NF1: variants seen among roughly 807,000 people sequenced by gnomAD.
The protein encoded by NF1 is neurofibromin 1.
Under a neutral mutation model 325.7 loss-of-function variants are expected in NF1, and 122 were observed. The observed-to-expected ratio is 0.37, with a 90% CI of 0.32 to 0.44. The LOEUF (loss-of-function observed/expected upper bound fraction) is 0.44, where lower values mean the gene tolerates loss of function less well. Ranked by LOEUF, NF1 falls within the 20% of genes least tolerant of loss-of-function variation. The pLI is 1.00. For missense variants in NF1, 2,140 were observed against 3,415.4 expected, an observed-to-expected ratio of 0.63 and a Z score of 9.31; for synonymous variants, 1,091 against 1,186.0, an observed-to-expected ratio of 0.92 and a Z score of 1.65.
chr17:31,335,111 C>A, intron 40 of NF1, 80 bp downstream of exon 40: 1 of 1,178,764 alleles, frequency 8.5e-7, no homozygotes, highest in Non-Finnish European at 1.2e-6. Context: ...CAAAGCACTG[C>A]GCTAGACACT....
At chr17:31,117,208 T>C (rs1046698759) in intron 1 of NF1, among the ~76,000 whole-genome samples, 1 of 151,840 alleles carries the variant, frequency 6.6e-6, no homozygotes, top group African/African-American at 2.4e-5. Flanking sequence ...CTTGAACTCC[T>C]GACCTCAGTT....
intron 36 of NF1, among the ~76,000 whole-genome samples, chr17:31,277,768 C>T (rs1328923739): frequency 6.6e-6 from 1 of 152,166 alleles, no homozygotes; most frequent in Non-Finnish European, 1.5e-5. Context: ...GTGACCCTCT[C>T]CACACAACCT....
chr17:31,264,594 G>A (rs2151469328), intron 35 of NF1, among the ~76,000 whole-genome samples: 1 of 152,226 alleles, frequency 6.6e-6, no homozygotes, highest in Non-Finnish European at 1.5e-5. Context: ...GTGAGAATGG[G>A]AAGAAGTAAT....
At chr17:31,105,255 C>T (rs532464452) in intron 1 of NF1, among the ~76,000 whole-genome samples, 3 of 152,124 alleles carry the variant, frequency 2.0e-5, no homozygotes, top group Non-Finnish European at 4.4e-5. Flanking sequence ...TGAGACAAAG[C>T]CTCAAGCTAG....
chr17:31,305,636 G>A, intron 36 of NF1: 1 of 1,589,838 alleles, frequency 6.3e-7, no homozygotes, highest in Non-Finnish European at 8.6e-7. Context: ...GTTATCTATA[G>A]CGGGTTTATA....
At chr17:31,356,679 G>A (rs570454019) in intron 52 of NF1, 97 bp downstream of exon 52, 1 of 1,523,832 alleles carries the variant, frequency 6.6e-7, no homozygotes, top group African/African-American at 1.4e-5. Context: ...AATCTTTAGA[G>A]TGAAATATAG....
intron 48 of NF1, among the ~76,000 whole-genome samples, chr17:31,344,962 A>C (rs1322215207): frequency 2.0e-5 from 3 of 152,160 alleles, no homozygotes; most frequent in Non-Finnish European, 4.4e-5. Context: ...ATCTCTACTA[A>C]AAATACAAAA....
rs142422201 is a variant in NF1 at position 31,201,263 on chromosome 17, A to G, written c.1185+104A>G. ...AGGTTCACTTTTATCGGTATTTCTC[A>G]CTATTATGTATTGATGTTCGTTTCA... On this transcript the variant is annotated intron_variant, in intron 10 of 57. Transcript: ENST00000358273. 365 of 1,519,914 alleles carry G rather than the reference A, an allele frequency of 2.4e-4. No individual in the cohort carries two copies. The East Asian group carries it at 7.4e-3, about 31-fold the overall frequency. 94.2% of individuals were successfully genotyped at this position (1,519,914 alleles called of 1,614,324 possible). A position where few individuals can be genotyped will look rare whatever the true frequency, so the allele number is the denominator to read the frequency against.
At chr17:31,226,910 G>A (rs921485493) in intron 18 of NF1, among the ~76,000 whole-genome samples, 1 of 152,164 alleles carries the variant, frequency 6.6e-6, no homozygotes, top group African/African-American at 2.4e-5. Flanking sequence ...AAAATAACTG[G>A]CAGTAGATGT....
chr17:31,273,537 G>T (rs541786913), intron 36 of NF1: 28 of 152,246 alleles, frequency 1.8e-4, no homozygotes, highest in African/African-American at 6.5e-4. Context: ...GTTACATTTG[G>T]CTCTAATATG....
intron 1 of NF1, among the ~76,000 whole-genome samples, chr17:31,106,037 G>T (rs1054876359): frequency 6.6e-6 from 1 of 152,162 alleles, no homozygotes; most frequent in Non-Finnish European, 1.5e-5. Context: ...ATCTCAAGTG[G>T]TGACACTTTT....
rs66638017 is a variant in NF1, at chr17:31,336,606, T to TAA, written c.6148-29_6148-28insAA. On this transcript the variant is annotated intron_variant, in intron 41 of 57. Transcript: ENST00000358273. This position sits in a 1 kb window ranked among gnomAD's most constrained non-coding sequence, Gnocchi z 5.5. ...AACTTTGAGTCCCATGTTTTTTTTT[T>TAA]TAAAAAAAAAAATCCTGCTTCTTTA... The TAA allele has an allele frequency of 6.4e-5, 93 of 1,456,948 alleles. No individual in the cohort carries two copies. The highest frequency in any genetic ancestry group is 4.8e-4 in the African/African-American group (30 of 62,904). 90.3% of individuals were successfully genotyped at this position (1,456,948 alleles called of 1,614,324 possible). A position where few individuals can be genotyped will look rare whatever the true frequency, so the allele number is the denominator to read the frequency against.
chr17:31,133,461 T>C (rs1915539863), intron 1 of NF1: 1 of 152,232 alleles, frequency 6.6e-6, no homozygotes, highest in Admixed American at 6.5e-5. Flanking sequence ...AGATACCACT[T>C]CAAGACCCTG....
chr17:31,304,872 A>G (rs1275143180), intron 36 of NF1: 3 of 1,613,978 alleles, frequency 1.9e-6, no homozygotes, highest in South Asian at 2.2e-5. Flanking sequence ...GGGTTTCTCC[A>G]TCAGCAAATG....
chr17:31,287,542 C>CTGTGTGTGTGTG (rs59906241), intron 36 of NF1, among the ~76,000 whole-genome samples: 1,619 of 145,552 alleles, frequency 0.011, 20 homozygotes, highest in African/African-American at 0.025. Context: ...TCATTCATAA[C>CTGTGTGTGTGTG]TGTGTGTGTG....
chr17:31,233,746 C>T (rs1409325248), intron 27 of NF1, among the ~76,000 whole-genome samples: 1 of 152,164 alleles, frequency 6.6e-6, no homozygotes, highest in African/African-American at 2.4e-5. Context: ...CATGCTAAAA[C>T]GTTGAGACGG....
At chr17:31,295,189 A>G in intron 36 of NF1, 1 of 1,614,114 alleles carries the variant, frequency 6.2e-7, no homozygotes, top group South Asian at 1.1e-5. Flanking sequence ...CACTAGTGAT[A>G]CTTAGGGTCA....
In NF1 at chr17:31,192,315, T is replaced by C. The variant is rs570018621; in HGVS notation, c.889-8107T>C. On this transcript the variant is annotated intron_variant, in intron 8 of 57. Coordinates refer to ENST00000358273, the MANE Select transcript of NF1 (RefSeq NM_001042492.3). Reference sequence around the variant, plus strand: ...GTGGTTGGGGTACAGCTTGGTTTGATATATTTTAGGAAGGCATGAAACATC... The same window carrying C: ...GTGGTTGGGGTACAGCTTGGTTTGACATATTTTAGGAAGGCATGAAACATC... Among the ~76,000 whole-genome samples the C allele has an allele frequency of 6.6e-5, 10 of 152,310 alleles. No homozygotes were observed. The East Asian group carries it at 1.9e-3, about 29-fold the overall frequency.
At chr17:31,307,918 C>T (rs1465655615) in intron 36 of NF1, 18 of 1,289,196 alleles carry the variant, frequency 1.4e-5, no homozygotes, top group Non-Finnish European at 1.8e-5. Context: ...CATATCATTG[C>T]TTACTCCTCT....
Sources: gnomAD v4.1 joint callset for allele counts (sites outside exome capture counted in the v4.1 genomes callset) on GRCh38, gnomAD v4.1.1 for gene constraint, Gnocchi (gnomAD v3.1) non-coding constraint, MANE v1.5 for transcripts, NCBI Gene and HGNC (gene_info 2026-07-23, HGNC 2026-07-21) for gene names.